Variants in NCF4 observed in about 807,000 individuals in gnomAD.
The protein encoded by NCF4 is neutrophil cytosol factor 4.
Under a neutral mutation model 41.7 loss-of-function variants are expected in NCF4, and 30 were observed. The ratio of observed to expected loss-of-function variants is 0.72; its 90% CI spans 0.54 to 0.97. The LOEUF is 0.97. Among genes scored for constraint, NCF4 ranks in the 50% least tolerant of loss-of-function variants. NCF4 has a pLI of 0.00. For missense variants in NCF4, 432 were observed against 460.9 expected (o/e 0.94, Z 0.57); for synonymous variants, 195 against 175.8 (o/e 1.11, Z -0.87).
chr22:36,872,265 C>A, intron 6 of NCF4, 62 bp from the exon 7 acceptor site: 2 of 1,266,448 alleles, frequency 1.6e-6, no homozygotes, highest in Non-Finnish European at 2.3e-6. Flanking sequence ...GTATGTAAGG[C>A]ACTTCTATAG....
intron 1 of NCF4, among the ~76,000 whole-genome samples, chr22:36,861,816 G>A (rs939884476): frequency 5.9e-5 from 9 of 152,194 alleles, no homozygotes; most frequent in Non-Finnish European, 1.2e-4. Flanking sequence ...TCACTAGGAG[G>A]TAGCTCATCC....
At chr22:36,867,502 T>A in intron 4 of NCF4, 40 bp downstream of exon 4, 2 of 1,606,768 alleles carry the variant, frequency 1.2e-6, no homozygotes, top group Non-Finnish European at 1.7e-6. Flanking sequence ...TGGAAGGGCA[T>A]GCAGTATTGG....
chr22:36,864,947 G>A lies in NCF4; in HGVS notation c.146G>A (p.Gly49Glu). The change falls in exon 3 of 10, where the codon GGA becomes GAA. Residue 49 changes from glycine (G) to glutamate (E), a missense_variant. Gly to Glu is a moderately conservative substitution (Grantham distance 98). Transcript: ENST00000248899. ...FVFVIEVKTKGGSKYLIYRRY... is the reference protein window; with the variant it reads ...FVFVIEVKTKEGSKYLIYRRY... ...TTCGTCATCGAGGTGAAGACAAAAG[G>A]AGGATCCAAGTACCTCATCTACCGC... 3 of 1,614,004 alleles carry A rather than the reference G, an allele frequency of 1.9e-6. No individual in the cohort carries two copies. The highest frequency in any genetic ancestry group is 1.3e-5 in the African/African-American group (1 of 74,976).
intron 4 of NCF4, 112 bp from the exon 5 acceptor site, chr22:36,870,303 A>C (rs1940022319): frequency 7.0e-7 from 1 of 1,433,328 alleles, no homozygotes; most frequent in Admixed American, 1.7e-5. Flanking sequence ...GGCATCATGC[A>C]TTAGTAAAGA....
In NCF4 at chr22:36,877,671, G is replaced by A. The variant is rs753588526; in HGVS notation, c.868G>A (p.Ala290Thr). 19 of 1,614,060 alleles carry A rather than the reference G, an allele frequency of 1.2e-5. No individual in the cohort carries two copies. Among genetic ancestry groups the A allele is most frequent in the Middle Eastern group, 1.6e-4 (1 of 6,084 alleles). ...GGACATAGCTCTGAATTACCGGGACGCTGAGGGGGATCTGGTTCGGCTGCT... is the reference window on the plus strand; with the variant it reads ...GGACATAGCTCTGAATTACCGGGACACTGAGGGGGATCTGGTTCGGCTGCT... ...REDIALNYRD[A>T]EGDLVRLLSD... Residue 290 changes from alanine (A) to threonine (T), a missense_variant, in exon 10 of 10, where the codon GCT becomes ACT. Physicochemically the swap from Ala to Thr is moderately conservative, Grantham distance 58. Transcript: ENST00000248899.
chr22:36,866,737 G>GCA (rs1271320081), intron 3 of NCF4, among the ~76,000 whole-genome samples: 4 of 152,252 alleles, frequency 2.6e-5, no homozygotes, highest in African/African-American at 9.6e-5. Flanking sequence ...CCACATGAAG[G>GCA]CACCTGGAGG....
chr22:36,871,893 G>A (rs1940065650), intron 6 of NCF4, among the ~76,000 whole-genome samples, 184 bp downstream of exon 6: 1 of 152,256 alleles, frequency 6.6e-6, no homozygotes, highest in African/African-American at 2.4e-5. Context: ...GCCCAGCTAA[G>A]GGGAGGGCAT....
At chr22:36,876,192 G>A (rs780087974) in intron 9 of NCF4, 98 bp downstream of exon 9, 45 of 1,227,500 alleles carry the variant, frequency 3.7e-5, no homozygotes, top group Non-Finnish European at 4.5e-5. Flanking sequence ...GGGGTTTTGC[G>A]TGTACTTTGT....
In NCF4 at chr22:36,872,440, G is replaced by C. The variant is rs776635269; in HGVS notation, c.627+15G>C. 1.7e-5 allele frequency: 27 copies of C among 1,558,014 alleles called. No individual in the cohort carries two copies. The East Asian group carries it at 6.1e-4, about 35-fold the overall frequency. The stretch of plus-strand genomic sequence containing the variant: ...ACTGGCTGGAGGTGAGTTCAGAAGT[G>C]AGGATGGAGGTGAGATTGAAGGTGA... On this transcript the variant is annotated intron_variant, in intron 7 of 9. Coordinates refer to ENST00000248899, the MANE Select transcript of NCF4 (RefSeq NM_000631.5).
In NCF4 at chr22:36,867,264, G is replaced by C; in HGVS notation, c.272-128G>C. 3 of 945,374 alleles carry C rather than the reference G, an allele frequency of 3.2e-6. No individual in the cohort carries two copies. In the South Asian group the frequency reaches 4.1e-5, roughly 13 times the overall value. The allele number at this position is 945,374 out of a possible 1,614,324, so 58.6% of individuals were successfully genotyped here. A position where few individuals can be genotyped will look rare whatever the true frequency, so the allele number is the denominator to read the frequency against. On this transcript the variant is annotated intron_variant, in intron 3 of 9. Transcript: ENST00000248899. ...AGTGGCCACTTCAGTGCTGTGAAAA[G>C]ATAACAGGGAAGAATGCTGAGCCAT...
rs1939893821 is a variant in NCF4 at position 36,865,063 on chromosome 22, ACACTCCCAGGTAGGCGGC to A, written c.270_271+16del. The A allele has an allele frequency of 6.2e-7, 1 of 1,611,408 alleles. No homozygotes were observed. The highest frequency in any genetic ancestry group is 8.5e-7 in the Non-Finnish European group (1 of 1,179,994). ...CAGTGCCCTGGCCTGTACCCTGCCC[ACACTCCCAGGTAGGCGGC>A]CACTCCCGTCCTGCTGCTGCAGAGC... On this transcript the variant is annotated splice_donor_variant and splice_donor_5th_base_variant and coding_sequence_variant and intron_variant, in exon 3 of 10. Coordinates refer to ENST00000248899, the MANE Select transcript of NCF4 (RefSeq NM_000631.5). LOFTEE classifies it high-confidence loss of function. The surrounding 1 kb of genome is among the most constrained non-coding windows in gnomAD (Gnocchi z 4.3).
At chr22:36,867,110 CGTGT>C (rs3221695) in intron 3 of NCF4, among the ~76,000 whole-genome samples, 194 of 143,872 alleles carry the variant, frequency 1.3e-3, no homozygotes, top group African/African-American at 3.8e-3. Flanking sequence ...AACTAAGAGT[CGTGT>C]GTGTGTGTGT....
Position 36,865,193 on chromosome 22 carries a change from C to T in NCF4, c.271+121C>T, listed in dbSNP as rs1482296171. ...TGAAAACTGTTCATGTAGTTTATAG[C>T]CCCCACTCCCGGCAGTTACAGGCTG... On this transcript the variant is annotated intron_variant, in intron 3 of 9. Transcript: ENST00000248899. This position sits in a 1 kb window ranked among gnomAD's most constrained non-coding sequence, Gnocchi z 4.3. 6.4e-6 allele frequency: 9 copies of T among 1,411,420 alleles called. No individual in the cohort carries two copies. The highest frequency in any genetic ancestry group is 2.5e-5 in the East Asian group (1 of 40,758). The allele number at this position is 1,411,420 out of a possible 1,614,324, so 87.4% of individuals were successfully genotyped here. A position where few individuals can be genotyped will look rare whatever the true frequency, so the allele number is the denominator to read the frequency against.
At position 36,875,908 on chromosome 22, in the gene NCF4, C is replaced by T. The variant is rs772986521; in HGVS notation, c.759-121C>T. 4 of 1,614,086 alleles carry T rather than the reference C, an allele frequency of 2.5e-6. No homozygotes were observed. In the African/African-American group the frequency reaches 5.3e-5, roughly 22 times the overall value. ...AGCCCCCAGTGGCTCCCAGATGAGC[C>T]ACAATGCTGTAACAAGCCATCAACG... On this transcript the variant is annotated intron_variant, in intron 8 of 9. Coordinates refer to ENST00000248899, the MANE Select transcript of NCF4 (RefSeq NM_000631.5).
intron 7 of NCF4, 59 bp downstream of exon 7, chr22:36,872,484 A>C: frequency 7.1e-7 from 1 of 1,405,842 alleles, no homozygotes. Context: ...GGAAATTAAA[A>C]GTGAAGATAG....
intron 8 of NCF4, 71 bp downstream of exon 8, chr22:36,875,854 C>T: frequency 6.2e-7 from 1 of 1,614,134 alleles, no homozygotes; most frequent in Non-Finnish European, 8.5e-7. Flanking sequence ...CCTCACATCA[C>T]CTTCTCATGG....
In NCF4 at chr22:36,862,655, A is replaced by G. The variant is rs142296093; in HGVS notation, c.33-1390A>G. Among the ~76,000 whole-genome samples, 348 of 152,302 alleles carry G rather than the reference A, an allele frequency of 2.3e-3. 4 individuals carry two copies. Among genetic ancestry groups the G allele is most frequent in the African/African-American group, 7.8e-3 (324 of 41,568 alleles). The stretch of plus-strand genomic sequence containing the variant: ...AGGCCTTGAGCCAGGTACTAGGGGC[A>G]TGGGGGCTCCCTGTACCTCGAAGGT... On this transcript the variant is annotated intron_variant, in intron 1 of 9. Coordinates refer to ENST00000248899, the MANE Select transcript of NCF4 (RefSeq NM_000631.5).
intron 5 of NCF4, 28 bp downstream of exon 5, chr22:36,870,570 A>C: frequency 1.2e-6 from 2 of 1,608,012 alleles, no homozygotes; most frequent in Non-Finnish European, 1.7e-6. Flanking sequence ...GGGCTTCCAC[A>C]TGGCCAGAGC....
chr22:36,875,456 A>G (rs4821553), intron 7 of NCF4, among the ~76,000 whole-genome samples, 197 bp from the exon 8 acceptor site: 1,548 of 152,344 alleles, frequency 0.01, 64 homozygotes, highest in Admixed American at 0.074. Context: ...AGATTCTGGC[A>G]TATTGTAAAA....
Sources: allele counts gnomAD v4.1 joint callset (sites outside exome capture counted in the v4.1 genomes callset), GRCh38; gene constraint gnomAD v4.1.1; non-coding constraint Gnocchi (gnomAD v3.1); transcripts MANE v1.5; gene names NCBI Gene and HGNC (gene_info 2026-07-23, HGNC 2026-07-21).